The following LDB2 variants were observed in gnomAD, a reference collection of about 807,000 sequenced individuals.
LDB2 encodes the protein LIM domain binding 2.
A neutral mutation model predicts 44.3 loss-of-function variants in LDB2; 12 were observed. That is an observed-to-expected ratio of 0.27 (90% CI 0.17 to 0.44). The LOEUF (loss-of-function observed/expected upper bound fraction) is 0.44. Ranked by LOEUF, LDB2 falls within the 20% of genes least tolerant of loss-of-function variation. LDB2 has a pLI of 1.00. For synonymous variants in LDB2, 164 were observed against 174.8 expected (o/e 0.94, Z 0.49); for missense variants, 344 against 473.5 (o/e 0.73, Z 2.54).
chr4:16,598,335 C>A (rs927342988), intron 2 of LDB2, among the ~76,000 whole-genome samples: 19 of 152,158 alleles, frequency 1.2e-4, no homozygotes, highest in Admixed American at 3.3e-4. Context: ...AGAAGCCCAA[C>A]CTAGCCATGT....
At chr4:16,703,974 C>T (rs1400418347) in intron 2 of LDB2, among the ~76,000 whole-genome samples, 1 of 152,172 alleles carries the variant, frequency 6.6e-6, no homozygotes, top group African/African-American at 2.4e-5. Context: ...AGATTTCTTT[C>T]AATTGTATAT....
chr4:16,522,887 TAACA>T (rs751506179), intron 5 of LDB2, among the ~76,000 whole-genome samples: 28 of 152,178 alleles, frequency 1.8e-4, no homozygotes, highest in Non-Finnish European at 3.2e-4. Context: ...CCACAATCAT[TAACA>T]AACATCTGCG....
intron 2 of LDB2, among the ~76,000 whole-genome samples, chr4:16,703,455 C>T (rs1578913461): frequency 6.6e-6 from 1 of 152,128 alleles, no homozygotes; most frequent in Admixed American, 6.5e-5. Flanking sequence ...ATTGTCATGG[C>T]CAGTTTTTAT....
At chr4:16,789,694 C>A (rs186936604) in intron 1 of LDB2, among the ~76,000 whole-genome samples, 1 of 152,176 alleles carries the variant, frequency 6.6e-6, no homozygotes, top group Non-Finnish European at 1.5e-5. Flanking sequence ...CTTTCGGAGG[C>A]CAAGGCGAGC....
intron 2 of LDB2, among the ~76,000 whole-genome samples, chr4:16,651,567 A>G (rs190631013): frequency 9.1e-5 from 13 of 142,212 alleles, no homozygotes; most frequent in African/African-American, 3.2e-4. Flanking sequence ...ATTTTCTTGG[A>G]CCCTGGGGTG....
chr4:16,592,457 TATAC>T (rs34880240), intron 3 of LDB2, among the ~76,000 whole-genome samples: 6 of 89,742 alleles, frequency 6.7e-5, no homozygotes, highest in South Asian at 7.8e-4. Flanking sequence ...TCATATGCAT[TATAC>T]ATACATATAT....
At chr4:16,560,390 C>T (rs890142487) in intron 5 of LDB2, among the ~76,000 whole-genome samples, 2 of 152,060 alleles carry the variant, frequency 1.3e-5, no homozygotes, top group African/African-American at 4.8e-5. Flanking sequence ...GGGATATCAC[C>T]ACCAATCCCA....
Position 16,802,260 on chromosome 4 carries a change from G to A in LDB2, c.133-43000C>T, listed in dbSNP as rs1579803844. On this transcript the variant is annotated intron_variant, in intron 1 of 7. Transcript: ENST00000304523. Reference sequence around the variant, plus strand: ...TTCTAACAAGACCCACCCCGCCTCAGGGGCAGCAGTCACTGCTGATTGTCT... The same window carrying A: ...TTCTAACAAGACCCACCCCGCCTCAAGGGCAGCAGTCACTGCTGATTGTCT... Among the ~76,000 whole-genome samples the A allele has an allele frequency of 4.6e-5, 7 of 152,298 alleles. No individual in the cohort carries two copies. The South Asian group carries it at 1.5e-3, about 32-fold the overall frequency.
intron 1 of LDB2, among the ~76,000 whole-genome samples, chr4:16,809,350 A>G (rs1579863372): frequency 1.3e-5 from 2 of 152,336 alleles, no homozygotes; most frequent in South Asian, 4.1e-4. Flanking sequence ...TGGTAAAAAA[A>G]TGTAAAGCAA....
chr4:16,882,465 G>A (rs1036861139), intron 1 of LDB2, among the ~76,000 whole-genome samples: 1 of 152,038 alleles, frequency 6.6e-6, no homozygotes, highest in African/African-American at 2.4e-5. Flanking sequence ...ATTAGGACTG[G>A]AAACCATTCC....
intron 1 of LDB2, among the ~76,000 whole-genome samples, chr4:16,811,989 A>G (rs889526811): frequency 5.3e-5 from 8 of 152,184 alleles, no homozygotes; most frequent in East Asian, 3.8e-4. Flanking sequence ...CTGCCCCATC[A>G]AATCTTTATC....
intron 5 of LDB2, among the ~76,000 whole-genome samples, chr4:16,537,779 C>G (rs1732370969): frequency 6.6e-6 from 1 of 152,158 alleles, no homozygotes; most frequent in Non-Finnish European, 1.5e-5. Context: ...AATACTGGAG[C>G]AGCACTAGAT....
At chr4:16,550,843 G>T (rs1737400477) in intron 5 of LDB2, among the ~76,000 whole-genome samples, 1 of 152,130 alleles carries the variant, frequency 6.6e-6, no homozygotes, top group African/African-American at 2.4e-5. Flanking sequence ...CAATAAAATT[G>T]GAAACTACCT....
chr4:16,656,297 A>G (rs1410820161), intron 2 of LDB2, among the ~76,000 whole-genome samples: 32 of 152,158 alleles, frequency 2.1e-4, no homozygotes, highest in Admixed American at 2.1e-3. Flanking sequence ...GCAAGCCCTG[A>G]TATTTGGGTT....
chr4:16,778,399 A>T (rs1350598753), intron 1 of LDB2, among the ~76,000 whole-genome samples: 1 of 152,052 alleles, frequency 6.6e-6, no homozygotes. Flanking sequence ...AGTCTGGTTC[A>T]TTTCTACTAG....
chr4:16,650,016 T>C (rs1255693807), intron 2 of LDB2, among the ~76,000 whole-genome samples: 2 of 152,188 alleles, frequency 1.3e-5, no homozygotes, highest in Non-Finnish European at 2.9e-5. Context: ...GGCTCCTGGA[T>C]CTTTCTGACA....
rs71181175 is a variant in LDB2, at chr4:16,570,462, CAAAAAAAAAAAAAAAAAAAAAAAA to C, written c.615+15436_615+15459del. On this transcript the variant is annotated intron_variant, in intron 5 of 7. Transcript: ENST00000304523. ...TGGGAGACAGAGCAAGACTCTGTCT[CAAAAAAAAAAAAAAAAAAAAAAAA>C]AAAAAAAAAAAAAAAAAAGTTTACA... Among the ~76,000 whole-genome samples the C allele has an allele frequency of 3.9e-3, 64 of 16,606 alleles. 1 individual carries two copies. The South Asian group carries it at 0.049, about 13-fold the overall frequency. The allele number at this position is 16,606 out of a possible 152,430, so 10.9% of individuals were successfully genotyped here.
At chr4:16,528,505 G>C (rs1446826798) in intron 5 of LDB2, among the ~76,000 whole-genome samples, 2 of 152,238 alleles carry the variant, frequency 1.3e-5, no homozygotes. Flanking sequence ...GCTGACATTG[G>C]AGGATTTTGA....
At chr4:16,753,872 A>G (rs1284739667) in intron 2 of LDB2, among the ~76,000 whole-genome samples, 1 of 152,212 alleles carries the variant, frequency 6.6e-6, no homozygotes, top group Non-Finnish European at 1.5e-5. Context: ...CAATGTGCTT[A>G]TTGGAATCCA....
Sources: allele counts gnomAD v4.1 joint callset (sites outside exome capture counted in the v4.1 genomes callset), GRCh38; gene constraint gnomAD v4.1.1; transcripts MANE v1.5; gene names NCBI Gene and HGNC (gene_info 2026-07-23, HGNC 2026-07-21).